The following COPB2 variants were observed in gnomAD, a reference collection of about 807,000 sequenced individuals.
COPB2 encodes coatomer subunit beta'.
In COPB2, 16 loss-of-function variants were observed where a neutral mutation model predicts 120.8. The ratio of observed to expected loss-of-function variants is 0.13; its 90% CI spans 0.09 to 0.20. The LOEUF is 0.20. Among genes scored for constraint, COPB2 ranks in the 10% least tolerant of loss-of-function variants. COPB2 has a pLI of 1.00. For missense variants in COPB2, 794 were observed against 1,076.5 expected, an observed-to-expected ratio of 0.74 and a Z score of 3.67; for synonymous variants, 332 against 366.3, an observed-to-expected ratio of 0.91 and a Z score of 1.07.
intron 15 of COPB2, among the ~76,000 whole-genome samples, chr3:139,365,181 A>G (rs1941492971): frequency 6.6e-6 from 1 of 152,200 alleles, no homozygotes; most frequent in South Asian, 2.1e-4. Context: ...CTCATCTAAT[A>G]ACTGGCAGAA....
Position 139,357,666 on chromosome 3 carries a change from A to C in COPB2, c.*197T>G. The C allele has an allele frequency of 2.4e-6, 1 of 412,136 alleles. No homozygotes were observed. Among genetic ancestry groups the C allele is most frequent in the Non-Finnish European group, 4.3e-6 (1 of 234,066 alleles). The allele number at this position is 412,136 out of a possible 1,614,324, so 25.5% of individuals were successfully genotyped here. A position where few individuals can be genotyped will look rare whatever the true frequency, so the allele number is the denominator to read the frequency against. The stretch of plus-strand genomic sequence containing the variant: ...AAGCCCATGTCTGTTTTAGTTAACA[A>C]GGAAAACACAGTGATTTAAATGCTG... On this transcript the variant is annotated 3_prime_UTR_variant, in exon 22 of 22. Transcript: ENST00000333188.
intron 16 of COPB2, 141 bp downstream of exon 16, chr3:139,362,261 AAAGAT>A (rs1322956697): frequency 6.6e-6 from 3 of 455,336 alleles, no homozygotes; most frequent in Non-Finnish European, 1.2e-5. Context: ...CATCTTTTAA[AAAGAT>A]AAGAGAGAGA....
intron 12 of COPB2, 109 bp from the exon 13 acceptor site, chr3:139,368,397 A>G: frequency 1.8e-6 from 2 of 1,124,188 alleles, no homozygotes; most frequent in Non-Finnish European, 2.5e-6. Context: ...CAAGATGATA[A>G]GTATTCACTT....
Position 139,361,242 on chromosome 3 carries a change from A to G in COPB2, c.2049T>C (p.Phe683=). 1 of 1,614,224 alleles carries G rather than the reference A, an allele frequency of 6.2e-7. No individual in the cohort carries two copies. The highest frequency in any genetic ancestry group is 8.5e-7 in the Non-Finnish European group (1 of 1,180,042). The part of the protein sequence containing the change: ...LAELAISKCQ[F]GLAQECLHHA... ...GATGCAGGCACTCCTGGGCTAGGCC[A>G]AACTGACATTTACTAATGGCAAGTT... Residue 683 remains phenylalanine (F), a synonymous_variant, in exon 17 of 22, where the codon TTT becomes TTC. Transcript: ENST00000333188.
At chr3:139,381,070 T>A (rs1941802781) in intron 2 of COPB2, 1 of 152,194 alleles carries the variant, frequency 6.6e-6, no homozygotes, top group African/African-American at 2.4e-5. Flanking sequence ...ATATGGTACT[T>A]TATAGGTTTC....
intron 1 of COPB2, among the ~76,000 whole-genome samples, chr3:139,383,642 G>A (rs1203377995): frequency 6.6e-6 from 1 of 152,026 alleles, no homozygotes; most frequent in Non-Finnish European, 1.5e-5. Flanking sequence ...TTACAGCAGT[G>A]GTCTTCAAGC....
intron 6 of COPB2, among the ~76,000 whole-genome samples, 158 bp from the exon 7 acceptor site, chr3:139,374,746 G>A (rs1434338364): frequency 6.6e-6 from 1 of 151,956 alleles, no homozygotes; most frequent in Non-Finnish European, 1.5e-5. Context: ...TGATCTTGTT[G>A]TATATATGAA....
chr3:139,365,718 C>T (rs918158627), intron 15 of COPB2, among the ~76,000 whole-genome samples: 2 of 151,974 alleles, frequency 1.3e-5, no homozygotes, highest in Non-Finnish European at 2.9e-5. Context: ...CAGCAAAGTC[C>T]AGGGAGAATT....
intron 5 of COPB2, among the ~76,000 whole-genome samples, chr3:139,376,380 C>T (rs1470262057): frequency 1.3e-5 from 2 of 152,158 alleles, no homozygotes; most frequent in African/African-American, 4.8e-5. Flanking sequence ...TTTATCTTTA[C>T]AAATATTTAT....
intron 2 of COPB2, chr3:139,381,156 A>C (rs918970584): frequency 1.3e-5 from 2 of 152,134 alleles, no homozygotes; most frequent in Non-Finnish European, 2.9e-5. Context: ...TATCATCTTC[A>C]CTTCAGATAA....
At chr3:139,358,506 G>C (rs1488285038) in intron 20 of COPB2, 1 of 598,632 alleles carries the variant, frequency 1.7e-6, no homozygotes, top group East Asian at 2.8e-5. Context: ...GTGAAACCCT[G>C]TCTCTAATAA....
chr3:139,371,098 G>A (rs1465078892), intron 10 of COPB2, among the ~76,000 whole-genome samples: 1 of 152,106 alleles, frequency 6.6e-6, no homozygotes, highest in Non-Finnish European at 1.5e-5. Flanking sequence ...AACCCCTAAT[G>A]TTTATTACGT....
rs1254205496 is a variant in COPB2, at chr3:139,366,747, T to C, written c.1705A>G (p.Lys569Glu). 6.2e-7 allele frequency: 1 copy of C among 1,613,868 alleles called. No individual in the cohort carries two copies. The highest frequency in any genetic ancestry group is 8.5e-7 in the Non-Finnish European group (1 of 1,179,944). Residue 569 changes from lysine (K) to glutamate (E), a missense_variant, in exon 15 of 22, where the codon AAA becomes GAA. Lys to Glu is a moderately conservative substitution (Grantham distance 56). This residue lies in a region of COPB2 where 610 missense variants were observed against 866.7 expected (regional missense o/e 0.70). Transcript: ENST00000333188. ...RTMYLLGYIP[K>E]DNRLYLGDKE... ...TCCCCCAGATAAAGCCTGTTGTCTT[T>C]AGGAATGTAGCCTAGGAGATACATC...
Position 139,378,165 on chromosome 3 carries a change from T to C in COPB2, c.380A>G (p.Asp127Gly). The change falls in exon 5 of 22, where the codon GAC becomes GGC. Residue 127 changes from aspartate (D) to glycine (G), a missense_variant. Asp to Gly is a moderately conservative substitution (Grantham distance 94). This residue lies in a region of COPB2 where 610 missense variants were observed against 866.7 expected (regional missense o/e 0.70). Coordinates refer to ENST00000333188, the MANE Select transcript of COPB2 (RefSeq NM_004766.3). Reference sequence around the variant, plus strand: ...TGAGCAAGACCATTTTTTATCCCAGTCCCAGAGCTTAATAAGCATGTCATC... The same window carrying C: ...TGAGCAAGACCATTTTTTATCCCAGCCCCAGAGCTTAATAAGCATGTCATC... ...SSDDMLIKLW[D>G]WDKKWSCSQV... 1 of 1,577,818 alleles carries C rather than the reference T, an allele frequency of 6.3e-7. No homozygotes were observed. The highest frequency in any genetic ancestry group is 8.7e-7 in the Non-Finnish European group (1 of 1,153,456).
rs1941317077 is a variant in COPB2, at chr3:139,357,736, G to T, written c.*127C>A. ...ATGATGTGGGCATTGTGCTCCCAGT[G>T]GTCCACAGCATTTACATATAAAAAT... On this transcript the variant is annotated 3_prime_UTR_variant, in exon 22 of 22. Coordinates refer to ENST00000333188, the MANE Select transcript of COPB2 (RefSeq NM_004766.3). 3.9e-6 allele frequency: 2 copies of T among 514,454 alleles called. No individual in the cohort carries two copies. Among genetic ancestry groups the T allele is most frequent in the Non-Finnish European group, 6.8e-6 (2 of 294,750 alleles). 31.9% of individuals were successfully genotyped at this position (514,454 alleles called of 1,614,324 possible).
chr3:139,366,867 C>G (rs1941527908), intron 14 of COPB2, 92 bp from the exon 15 acceptor site: 2 of 1,490,094 alleles, frequency 1.3e-6, no homozygotes, highest in Admixed American at 3.7e-5. Context: ...AAAACCTTCC[C>G]ATTTGATTGA....
At chr3:139,362,545 A>G in intron 15 of COPB2, 28 bp from the exon 16 acceptor site, 2 of 1,434,662 alleles carry the variant, frequency 1.4e-6, no homozygotes, top group Non-Finnish European at 1.9e-6. Flanking sequence ...AATTATATAT[A>G]TTTATGCATA....
At chr3:139,389,362 C>A (rs920143147) in intron 1 of COPB2, 186 bp downstream of exon 1, 6 of 977,226 alleles carry the variant, frequency 6.1e-6, no homozygotes, top group African/African-American at 3.4e-5. Context: ...CCCCAAATCA[C>A]CCCGGTCCCC....
chr3:139,379,801 T>C (rs777472246), intron 2 of COPB2: 1 of 250,734 alleles, frequency 4.0e-6, no homozygotes, highest in Non-Finnish European at 7.7e-6. Flanking sequence ...GACTTGAAAA[T>C]CCACCCATGG....
Sources: gnomAD v4.1 joint callset for allele counts (sites outside exome capture counted in the v4.1 genomes callset) on GRCh38, gnomAD v4.1.1 for gene constraint, gnomAD v4.1.1 regional missense constraint, MANE v1.5 for transcripts, NCBI Gene and HGNC (gene_info 2026-07-23, HGNC 2026-07-21) for gene names.